CEP350: variants seen among roughly 807,000 people sequenced by gnomAD.
CEP350 encodes centrosomal protein 350, also known as centrosome-associated protein 350.
In CEP350, 126 loss-of-function variants were observed where a neutral mutation model predicts 331.8. The observed-to-expected ratio is 0.38, with a 90% confidence interval of 0.33 to 0.44. CEP350 has a LOEUF of 0.44. Among genes scored for constraint, CEP350 ranks in the 20% least tolerant of loss-of-function variants. CEP350 has a pLI of 1.00. For synonymous variants in CEP350, 1,200 were observed against 1,259.5 expected, an observed-to-expected ratio of 0.95 and a Z score of 1.00; for missense variants, 3,406 against 3,634.6, an observed-to-expected ratio of 0.94 and a Z score of 1.62.
chr1:180,009,027 A>AT (rs1028708432), intron 8 of CEP350, among the ~76,000 whole-genome samples: 5 of 152,178 alleles, frequency 3.3e-5, no homozygotes, highest in Non-Finnish European at 5.9e-5. Flanking sequence ...ATTTTACTTT[A>AT]TTTTTTGAGA....
intron 6 of CEP350, among the ~76,000 whole-genome samples, chr1:180,002,791 A>G (rs754478842): frequency 3.9e-5 from 6 of 152,260 alleles, no homozygotes; most frequent in Non-Finnish European, 8.8e-5. Flanking sequence ...TACATGTTAC[A>G]TGATGGTTGA....
chr1:180,011,669 G>C (rs1654666858), intron 8 of CEP350, among the ~76,000 whole-genome samples: 1 of 152,122 alleles, frequency 6.6e-6, no homozygotes, highest in South Asian at 2.1e-4. Context: ...TTGTGCCTTA[G>C]TTCTTGAGGT....
At chr1:180,075,463 A>G (rs770307522) in intron 28 of CEP350, among the ~76,000 whole-genome samples, 11 of 151,788 alleles carry the variant, frequency 7.2e-5, no homozygotes, top group Non-Finnish European at 1.6e-4. Context: ...GTACATGCCT[A>G]TAGTCCTAGC....
At position 180,114,504 on chromosome 1, in the gene CEP350, A is replaced by G. The variant is rs992763312; in HGVS notation, c.*3343A>G. 8.5e-5 allele frequency: 13 copies of G among 152,804 alleles called. No individual in the cohort carries two copies. The East Asian group carries it at 2.5e-3, about 29-fold the overall frequency. 9.5% of individuals were successfully genotyped at this position (152,804 alleles called of 1,614,324 possible). A position where few individuals can be genotyped will look rare whatever the true frequency, so the allele number is the denominator to read the frequency against. ...GTGAAGAAAAAATGTAAACTGATGT[A>G]AAGGAGGTACTGTCATTTTAATTAA... On this transcript the variant is annotated 3_prime_UTR_variant, in exon 38 of 38. Transcript: ENST00000367607.
intron 27 of CEP350, among the ~76,000 whole-genome samples, chr1:180,071,615 A>G (rs888619142): frequency 6.6e-6 from 1 of 151,750 alleles, no homozygotes; most frequent in Non-Finnish European, 1.5e-5. Flanking sequence ...TGTCTCTACT[A>G]AAAAAATAAA....
At chr1:180,030,243 ATAG>A (rs1373524135) in intron 14 of CEP350, among the ~76,000 whole-genome samples, 3 of 147,492 alleles carry the variant, frequency 2.0e-5, no homozygotes, top group Admixed American at 6.8e-5. Flanking sequence ...TAAAGTATAT[ATAG>A]TAATTTTACA....
intron 31 of CEP350, 110 bp from the exon 32 acceptor site, chr1:180,087,468 T>C: frequency 2.0e-6 from 2 of 1,014,950 alleles, no homozygotes; most frequent in Non-Finnish European, 2.7e-6. Context: ...GATTTTTATA[T>C]TACATCTTCT....
rs1650050378 is a variant in CEP350, at chr1:179,954,917, G to C, written c.-239G>C. 9 of 685,258 alleles carry C rather than the reference G, an allele frequency of 1.3e-5. No homozygotes were observed. The highest frequency in any genetic ancestry group is 3.4e-5 in the East Asian group (1 of 29,114). 42.4% of individuals were successfully genotyped at this position (685,258 alleles called of 1,614,324 possible). On this transcript the variant is annotated 5_prime_UTR_variant, in exon 1 of 38. Transcript: ENST00000367607. ...GAGAACTGCAGGGAGCCGCAGCTCG[G>C]GGGGTGGCTTGCCCTGAGGGAGGGG...
chr1:180,010,320 A>G (rs1474938193), intron 8 of CEP350, among the ~76,000 whole-genome samples: 2 of 150,880 alleles, frequency 1.3e-5, no homozygotes, highest in Non-Finnish European at 2.9e-5. Context: ...TAGATTATTT[A>G]TATTGTATAA....
In CEP350 at chr1:180,045,763, T is replaced by C. The variant is rs148955614; in HGVS notation, c.4622+1590T>C. Among the ~76,000 whole-genome samples the C allele has an allele frequency of 6.0e-3, 915 of 152,312 alleles. 11 individuals carry two copies. The highest frequency in any genetic ancestry group is 0.021 in the African/African-American group (874 of 41,574). On this transcript the variant is annotated intron_variant, in intron 21 of 37. Transcript: ENST00000367607. ...TTTGTAAAATTTCTAGCCAATTTGG[T>C]TATTCACCTATTTGAAATCTTCAGT...
intron 19 of CEP350, 118 bp downstream of exon 19, chr1:180,041,920 T>A: frequency 1.1e-6 from 1 of 911,370 alleles, no homozygotes; most frequent in Non-Finnish European, 1.7e-6. Context: ...TTAGTGACTT[T>A]TAGTGGGGGC....
chr1:180,080,542 T>G lies in CEP350; in HGVS notation c.6005T>G (p.Val2002Gly). ...TCACTTCCCAAAAGCTGCACATCTG[T>G]GTCAAAGCAGGAGTCTAGCAAAGGA... ...KHSLPKSCTS[V>G]SKQESSKGSH... The change falls in exon 30 of 38, where the codon GTG (valine) becomes GGG (glycine). Residue 2002 changes from valine to glycine, a missense_variant. Physicochemically the swap from Val to Gly is moderately radical, Grantham distance 109. Around this residue, in one of 5 missense-constraint regions of CEP350, gnomAD observed 1,415 missense variants for 1,512.3 expected, o/e 0.94. Coordinates refer to ENST00000367607, the MANE Select transcript of CEP350 (RefSeq NM_014810.5). 3.1e-6 allele frequency: 5 copies of G among 1,613,796 alleles called. No homozygotes were observed. The highest frequency in any genetic ancestry group is 4.2e-6 in the Non-Finnish European group (5 of 1,179,736).
intron 14 of CEP350, among the ~76,000 whole-genome samples, chr1:180,027,635 T>C (rs1655767311): frequency 6.6e-6 from 1 of 152,308 alleles, no homozygotes; most frequent in South Asian, 2.1e-4. Flanking sequence ...TCCACCTGTT[T>C]TAGCTTCCCA....
At chr1:180,056,476 C>CT (rs1276828783) in intron 25 of CEP350, among the ~76,000 whole-genome samples, 66 of 101,684 alleles carry the variant, frequency 6.5e-4, no homozygotes, top group Non-Finnish European at 9.7e-4. Flanking sequence ...CCCCCCCCCC[C>CT]TTTTTTTTTT....
At chr1:180,098,407 C>T (rs1660614062) in intron 36 of CEP350, among the ~76,000 whole-genome samples, 1 of 152,134 alleles carries the variant, frequency 6.6e-6, no homozygotes, top group Non-Finnish European at 1.5e-5. Flanking sequence ...GTGGTGCAAT[C>T]TCAGCTCACT....
chr1:180,080,340 T>C (rs1445106957), intron 29 of CEP350, 177 bp from the exon 30 acceptor site: 1 of 199,214 alleles, frequency 5.0e-6, no homozygotes, highest in East Asian at 1.9e-4. Context: ...TTGTAACCTT[T>C]TTTTAAAAAT....
At chr1:179,976,769 G>C (rs1425576801) in intron 1 of CEP350, among the ~76,000 whole-genome samples, 1 of 152,078 alleles carries the variant, frequency 6.6e-6, no homozygotes, top group Non-Finnish European at 1.5e-5. Context: ...TGATTTAGAG[G>C]TTTGAAATGA....
intron 1 of CEP350, chr1:179,968,580 T>C (rs1303646191): frequency 6.1e-6 from 2 of 328,308 alleles, no homozygotes; most frequent in Non-Finnish European, 1.2e-5. Flanking sequence ...AGGAGACTTT[T>C]GAAAATTATC....
chr1:180,055,892 AT>A (rs1335601289), intron 25 of CEP350, among the ~76,000 whole-genome samples: 1 of 152,098 alleles, frequency 6.6e-6, no homozygotes, highest in East Asian at 1.9e-4. Flanking sequence ...AATCCAAAAA[AT>A]TGGTTTTAAA....
Sources: allele counts gnomAD v4.1 joint callset (sites outside exome capture counted in the v4.1 genomes callset), GRCh38; gene constraint gnomAD v4.1.1; regional missense constraint gnomAD v4.1.1; transcripts MANE v1.5; gene names NCBI Gene and HGNC (gene_info 2026-07-23, HGNC 2026-07-21).